Variants in ADGRL3 observed in about 807,000 individuals in gnomAD.
The protein encoded by ADGRL3 is calcium-independent alpha-latrotoxin receptor 3.
ADGRL3 carries 62 observed loss-of-function variants against 153.5 expected under a neutral mutation model. The ratio of observed to expected loss-of-function variants is 0.40; its 90% CI spans 0.33 to 0.50. The LOEUF (loss-of-function observed/expected upper bound fraction) is 0.50. Ranked by LOEUF, ADGRL3 falls within the 20% of genes least tolerant of loss-of-function variation. ADGRL3 has a pLI of 0.47. For missense variants in ADGRL3, 1,641 were observed against 1,859.4 expected (o/e 0.88, Z 2.16); for synonymous variants, 710 against 672.5 (o/e 1.06, Z -0.86).
At chr4:61,663,174 G>A (rs534005253) in intron 5 of ADGRL3, among the ~76,000 whole-genome samples, 1 of 152,296 alleles carries the variant, frequency 6.6e-6, no homozygotes, top group Admixed American at 6.5e-5. Flanking sequence ...GACACTCCTT[G>A]CTCACTACAT....
chr4:61,341,930 T>G (rs2095815863), intron 1 of ADGRL3, among the ~76,000 whole-genome samples: 1 of 152,132 alleles, frequency 6.6e-6, no homozygotes, highest in Non-Finnish European at 1.5e-5. Flanking sequence ...ATTGCCAAAA[T>G]ACTCTAAAAT....
chr4:61,460,389 A>G (rs2097796603), intron 2 of ADGRL3, among the ~76,000 whole-genome samples: 1 of 152,130 alleles, frequency 6.6e-6, no homozygotes, highest in Non-Finnish European at 1.5e-5. Flanking sequence ...AAATTCTGTC[A>G]TTTGCAGCAA....
chr4:62,041,715 TTG>T (rs1453750127), intron 24 of ADGRL3, among the ~76,000 whole-genome samples: 1 of 152,122 alleles, frequency 6.6e-6, no homozygotes, highest in African/African-American at 2.4e-5. Flanking sequence ...ATGGTATTTT[TTG>T]TGTGTAGTCT....
intron 1 of ADGRL3, among the ~76,000 whole-genome samples, chr4:61,327,414 A>G (rs1226370420): frequency 6.6e-6 from 1 of 151,438 alleles, no homozygotes; most frequent in Non-Finnish European, 1.5e-5. Flanking sequence ...CCATTTTAGA[A>G]CTGTCTAAAA....
At chr4:61,849,758 T>C (rs1223235070) in intron 9 of ADGRL3, among the ~76,000 whole-genome samples, 1 of 152,172 alleles carries the variant, frequency 6.6e-6, no homozygotes, top group Admixed American at 6.5e-5. Flanking sequence ...ATGCCAGCTG[T>C]GACTTTATTT....
chr4:61,305,200 C>G (rs2094731898), intron 1 of ADGRL3, among the ~76,000 whole-genome samples: 1 of 151,330 alleles, frequency 6.6e-6, no homozygotes, highest in African/African-American at 2.4e-5. Flanking sequence ...TATTTTGAGT[C>G]TATAATAAAT....
chr4:62,067,128 A>T (rs1743368496), intron 25 of ADGRL3, among the ~76,000 whole-genome samples: 1 of 152,092 alleles, frequency 6.6e-6, no homozygotes, highest in South Asian at 2.1e-4. Context: ...TTTCCTCTGC[A>T]TTTTGAAATG....
intron 8 of ADGRL3, among the ~76,000 whole-genome samples, chr4:61,770,500 A>G (rs1297704345): frequency 1.3e-5 from 2 of 152,174 alleles, no homozygotes; most frequent in Non-Finnish European, 2.9e-5. Flanking sequence ...CTATTATCAT[A>G]GATTTAAGGT....
intron 8 of ADGRL3, among the ~76,000 whole-genome samples, chr4:61,736,988 T>A (rs1490668661): frequency 6.6e-6 from 1 of 152,180 alleles, no homozygotes; most frequent in Non-Finnish European, 1.5e-5. Context: ...TAGGAAAATT[T>A]CAATTAACGT....
At chr4:61,663,754 T>C (rs930151571) in intron 5 of ADGRL3, among the ~76,000 whole-genome samples, 2 of 152,238 alleles carry the variant, frequency 1.3e-5, no homozygotes, top group African/African-American at 4.8e-5. Flanking sequence ...CTTTAAAACA[T>C]TGGTGGTTTT....
At chr4:61,694,548 A>G (rs964414336) in intron 6 of ADGRL3, among the ~76,000 whole-genome samples, 16 of 152,212 alleles carry the variant, frequency 1.1e-4, no homozygotes, top group Non-Finnish European at 2.9e-5. Context: ...TGTGGTAACC[A>G]TCATCTGAGC....
chr4:61,848,582 A>G (rs1302595393), intron 9 of ADGRL3, among the ~76,000 whole-genome samples: 1 of 152,046 alleles, frequency 6.6e-6, no homozygotes, highest in Non-Finnish European at 1.5e-5. Context: ...GGTCACATTC[A>G]CAGGTACCAG....
intron 4 of ADGRL3, among the ~76,000 whole-genome samples, chr4:61,528,895 TTGGAGAGATAC>T (rs2098594799): frequency 6.6e-6 from 1 of 152,032 alleles, no homozygotes; most frequent in Non-Finnish European, 1.5e-5. Context: ...GCTTACTCTG[TTGGAGAGATAC>T]TGGGACTCAG....
Position 61,949,017 on chromosome 4 carries a change from G to GAA in ADGRL3, c.2805+754_2805+755dup, listed in dbSNP as rs78444273. Reference sequence around the variant, plus strand: ...TAGGAGGCCTAGGTCAGGAAACTCAGAAAAAAAAAAAAAACACTAAGCAGG... The same window carrying GAA: ...TAGGAGGCCTAGGTCAGGAAACTCAGAAAAAAAAAAAAAAAACACTAAGCAGG... On this transcript the variant is annotated intron_variant, in intron 17 of 26. Transcript: ENST00000683033. Among the ~76,000 whole-genome samples, 381 of 120,254 alleles carry GAA rather than the reference G, an allele frequency of 3.2e-3. 2 individuals are homozygous for GAA. The highest frequency in any genetic ancestry group is 0.015 in the South Asian group (59 of 3,856). 78.9% of individuals were successfully genotyped at this position (120,254 alleles called of 152,430 possible).
chr4:61,409,680 A>G (rs6843523), intron 2 of ADGRL3, among the ~76,000 whole-genome samples: 4,624 of 151,792 alleles, frequency 0.03, 218 homozygotes, highest in East Asian at 0.21. Flanking sequence ...TTTTAAAAAT[A>G]ATACGATCAT....
At chr4:61,794,412 G>A (rs2097381952) in intron 8 of ADGRL3, among the ~76,000 whole-genome samples, 1 of 152,160 alleles carries the variant, frequency 6.6e-6, no homozygotes, top group African/African-American at 2.4e-5. Flanking sequence ...GTATTCAAAA[G>A]AGAAAGGAAA....
intron 21 of ADGRL3, among the ~76,000 whole-genome samples, chr4:62,028,526 T>C (rs1037602544): frequency 2.6e-5 from 4 of 151,786 alleles, no homozygotes; most frequent in Non-Finnish European, 5.9e-5. Context: ...CCAAGATTGC[T>C]CATAAAATTT....
intron 5 of ADGRL3, among the ~76,000 whole-genome samples, chr4:61,631,394 A>G (rs1194328510): frequency 6.6e-6 from 1 of 152,240 alleles, no homozygotes; most frequent in African/African-American, 2.4e-5. Flanking sequence ...GTTCTATAAT[A>G]AAGAAATCCA....
chr4:61,515,141 C>T (rs1225736803), intron 3 of ADGRL3, among the ~76,000 whole-genome samples: 1 of 152,100 alleles, frequency 6.6e-6, no homozygotes, highest in Non-Finnish European at 1.5e-5. Flanking sequence ...CTGGATGTTG[C>T]TTGCCTCTCT....
Sources: gnomAD v4.1 joint callset for allele counts (sites outside exome capture counted in the v4.1 genomes callset) on GRCh38, gnomAD v4.1.1 for gene constraint, MANE v1.5 for transcripts, NCBI Gene and HGNC (gene_info 2026-07-23, HGNC 2026-07-21) for gene names.